The following PARN variants were observed in gnomAD, a reference collection of about 807,000 sequenced individuals.
PARN encodes poly(A)-specific ribonuclease PARN.
In PARN, 71 loss-of-function variants were observed where a neutral mutation model predicts 102.8. That is an observed-to-expected ratio of 0.69 (90% CI 0.57 to 0.84). The LOEUF is 0.84. PARN is among the 40% of genes least tolerant of loss of function. The pLI, the probability that PARN is intolerant of heterozygous loss-of-function variation, is 0.00. For synonymous variants in PARN, 261 were observed against 252.9 expected, an observed-to-expected ratio of 1.03 and a Z score of -0.30; for missense variants, 782 against 760.9, an observed-to-expected ratio of 1.03 and a Z score of -0.33.
At chr16:14,556,197 T>C (rs1418915115) in intron 18 of PARN, among the ~76,000 whole-genome samples, 1 of 150,982 alleles carries the variant, frequency 6.6e-6, no homozygotes, top group Admixed American at 6.6e-5. Context: ...TCTTATTCTG[T>C]CGCCAGGCTG....
At chr16:14,573,668 G>A (rs192941039) in intron 18 of PARN, among the ~76,000 whole-genome samples, 2 of 152,288 alleles carry the variant, frequency 1.3e-5, no homozygotes, top group African/African-American at 4.8e-5. Context: ...GGAACGTGAT[G>A]GAAGGTGATT....
Position 14,539,279 on chromosome 16 carries a change from G to A in PARN, c.1480+12742C>T, listed in dbSNP as rs796304132. 8.5e-5 allele frequency among the ~76,000 whole-genome samples: 13 copies of A among 152,240 alleles called. 1 individual carries two copies. The highest frequency in any genetic ancestry group is 2.4e-4 in the African/African-American group (10 of 41,532). On this transcript the variant is annotated intron_variant, in intron 21 of 23. Coordinates refer to ENST00000437198, the MANE Select transcript of PARN (RefSeq NM_002582.4). ...ACAATGTAACAGAATATGAAACTTCGGTCTCCAGAGCACAAGTGCTCCCCT... is the reference window on the plus strand; with the variant it reads ...ACAATGTAACAGAATATGAAACTTCAGTCTCCAGAGCACAAGTGCTCCCCT...
At chr16:14,575,877 A>C (rs1291871360) in intron 18 of PARN, among the ~76,000 whole-genome samples, 1 of 152,072 alleles carries the variant, frequency 6.6e-6, no homozygotes, top group Non-Finnish European at 1.5e-5. Flanking sequence ...GTGGGAGGTG[A>C]TACAATTATG....
chr16:14,472,485 C>T (rs1044230830), intron 22 of PARN, among the ~76,000 whole-genome samples: 1 of 152,100 alleles, frequency 6.6e-6, no homozygotes, highest in Admixed American at 6.5e-5. Context: ...AGGTCTCTAC[C>T]ACTTTTCCAG....
intron 21 of PARN, among the ~76,000 whole-genome samples, chr16:14,490,881 T>A (rs888773219): frequency 6.6e-6 from 1 of 152,188 alleles, no homozygotes; most frequent in East Asian, 1.9e-4. Context: ...GAGGGTTTTA[T>A]CAGATTTTGC....
intron 21 of PARN, among the ~76,000 whole-genome samples, chr16:14,504,938 C>T (rs1964811076): frequency 6.6e-6 from 1 of 152,036 alleles, no homozygotes; most frequent in Non-Finnish European, 1.5e-5. Context: ...GATATAGACA[C>T]TAAACAAAAA....
intron 22 of PARN, among the ~76,000 whole-genome samples, chr16:14,449,072 G>GA: frequency 6.6e-6 from 1 of 152,232 alleles, no homozygotes; most frequent in African/African-American, 2.4e-5. Context: ...CTTCTATCAC[G>GA]AAAGGGGAAG....
chr16:14,628,928 G>C (rs1187635868), intron 2 of PARN, among the ~76,000 whole-genome samples: 3 of 152,192 alleles, frequency 2.0e-5, no homozygotes, highest in Non-Finnish European at 2.9e-5. Context: ...TTAAGTGTCA[G>C]TGAAGTATTT....
chr16:14,501,303 T>A (rs57577666), intron 21 of PARN, among the ~76,000 whole-genome samples: 2 of 144,676 alleles, frequency 1.4e-5, no homozygotes, highest in African/African-American at 2.6e-5. Flanking sequence ...ACAATAATAA[T>A]AATAATAATA....
At chr16:14,583,796 C>A (rs142629923) in intron 16 of PARN, among the ~76,000 whole-genome samples, 102 of 152,278 alleles carry the variant, frequency 6.7e-4, no homozygotes, top group Admixed American at 6.0e-3. Context: ...ACCTGGTAGG[C>A]TCTCCACATA....
chr16:14,585,632 A>C (rs1311028830), intron 14 of PARN, among the ~76,000 whole-genome samples: 1 of 152,208 alleles, frequency 6.6e-6, no homozygotes, highest in Admixed American at 6.5e-5. Flanking sequence ...ATGAAAAACA[A>C]AATCTCTAGC....
intron 18 of PARN, among the ~76,000 whole-genome samples, chr16:14,559,544 T>C (rs1438677336): frequency 6.6e-6 from 1 of 151,720 alleles, no homozygotes; most frequent in African/African-American, 2.4e-5. Context: ...CAAGCATTTA[T>C]CCTTTCAGTT....
At chr16:14,622,894 A>G (rs1478970472) in intron 5 of PARN, among the ~76,000 whole-genome samples, 1 of 151,968 alleles carries the variant, frequency 6.6e-6, no homozygotes, top group African/African-American at 2.4e-5. Flanking sequence ...GCTTGAGCCC[A>G]GGAGTTCAAG....
intron 22 of PARN, among the ~76,000 whole-genome samples, chr16:14,473,032 G>A (rs931578910): frequency 6.6e-6 from 1 of 152,204 alleles, no homozygotes; most frequent in Non-Finnish European, 1.5e-5. Flanking sequence ...TAATCAAAGT[G>A]AGAAGAGGGC....
rs975110273 is a variant in PARN, at chr16:14,629,509, C to T, written c.97+88G>A. 5.2e-6 allele frequency: 5 copies of T among 969,260 alleles called. No homozygotes were observed. The African/African-American group carries it at 6.5e-5, about 13-fold the overall frequency. The allele number at this position is 969,260 out of a possible 1,614,324, so 60.0% of individuals were successfully genotyped here. A position where few individuals can be genotyped will look rare whatever the true frequency, so the allele number is the denominator to read the frequency against. The stretch of plus-strand genomic sequence containing the variant: ...GCTACTAACAGCAAGAGGCCACCAC[C>T]AAGCATAAGAAGTTGGGGGCTGGGG... On this transcript the variant is annotated intron_variant, in intron 2 of 23. Coordinates refer to ENST00000437198, the MANE Select transcript of PARN (RefSeq NM_002582.4).
intron 12 of PARN, among the ~76,000 whole-genome samples, chr16:14,593,795 G>A (rs987648775): frequency 2.0e-5 from 3 of 151,966 alleles, no homozygotes; most frequent in Non-Finnish European, 2.9e-5. Flanking sequence ...TCAGTAGTTC[G>A]AGACCAGCCT....
rs930748159 is a variant in PARN at position 14,627,140 on chromosome 16, T to C, written c.293A>G (p.Asn98Ser). ...AAATTTGACATCTGGTGAGGATCTATTGAAGGGTTTCGGGAAAACATAGAA... is the reference window on the plus strand; with the variant it reads ...AAATTTGACATCTGGTGAGGATCTACTGAAGGGTTTCGGGAAAACATAGAA... ...FNFYVFPKPF[N>S]RSSPDVKFVC... Residue 98 changes from asparagine to serine, a missense_variant, in exon 5 of 24, where the codon AAT (asparagine) becomes AGT (serine). Asn to Ser is a conservative substitution (Grantham distance 46). Coordinates refer to ENST00000437198, the MANE Select transcript of PARN (RefSeq NM_002582.4). 16 of 1,606,162 alleles carry C rather than the reference T, an allele frequency of 1.0e-5. No individual in the cohort carries two copies. Among genetic ancestry groups the C allele is most frequent in the African/African-American group, 2.7e-5 (2 of 74,822 alleles).
At chr16:14,521,573 C>A (rs1052536336) in intron 21 of PARN, among the ~76,000 whole-genome samples, 1 of 151,936 alleles carries the variant, frequency 6.6e-6, no homozygotes, top group Non-Finnish European at 1.5e-5. Flanking sequence ...CTGCGGCGGG[C>A]GGATCACCTG....
chr16:14,447,988 AATCT>A (rs1340521799), intron 22 of PARN, among the ~76,000 whole-genome samples: 3 of 146,140 alleles, frequency 2.1e-5, no homozygotes, highest in Non-Finnish European at 3.0e-5. Flanking sequence ...CTATCTATCT[AATCT>A]AATTATTTTT....
Sources: gnomAD v4.1 joint callset for allele counts (sites outside exome capture counted in the v4.1 genomes callset) on GRCh38, gnomAD v4.1.1 for gene constraint, MANE v1.5 for transcripts, NCBI Gene and HGNC (gene_info 2026-07-23, HGNC 2026-07-21) for gene names.